SLC44A5: variants seen among roughly 807,000 people sequenced by gnomAD.
SLC44A5 encodes solute carrier family 44 member 5.
A neutral mutation model predicts 101.8 loss-of-function variants in SLC44A5; 57 were observed. That is an observed-to-expected ratio of 0.56 (90% CI 0.45 to 0.70). The LOEUF (loss-of-function observed/expected upper bound fraction) is 0.70, where lower values mean the gene tolerates loss of function less well. Ranked by LOEUF, SLC44A5 falls within the 30% of genes least tolerant of loss-of-function variation. The pLI is 0.00. For synonymous variants in SLC44A5, 281 were observed against 290.9 expected, an observed-to-expected ratio of 0.97 and a Z score of 0.35; for missense variants, 737 against 853.1, an observed-to-expected ratio of 0.86 and a Z score of 1.70.
chr1:75,489,777 C>G (rs1359375471), intron 2 of SLC44A5, among the ~76,000 whole-genome samples: 1 of 152,116 alleles, frequency 6.6e-6, no homozygotes, highest in Admixed American at 6.6e-5. Flanking sequence ...ATATTTACAA[C>G]CAATAACAAC....
chr1:75,371,587 A>G (rs922639923), intron 3 of SLC44A5, among the ~76,000 whole-genome samples: 17 of 152,194 alleles, frequency 1.1e-4, no homozygotes, highest in African/African-American at 4.1e-4. Flanking sequence ...AAAACAGTGG[A>G]GAAATAAAAT....
intron 2 of SLC44A5, among the ~76,000 whole-genome samples, chr1:75,484,973 G>A (rs1668075952): frequency 2.0e-5 from 3 of 152,198 alleles, no homozygotes; most frequent in African/African-American, 7.2e-5. Flanking sequence ...CAAGGCCATG[G>A]GCCTGGCCCA....
At chr1:75,217,807 C>T (rs1042409262) in intron 18 of SLC44A5, 59 bp downstream of exon 18, 87 of 1,097,182 alleles carry the variant, frequency 7.9e-5, no homozygotes, top group Middle Eastern at 4.0e-4. Context: ...CATCAGGTCT[C>T]CCCCAACCCC....
chr1:75,245,440 C>T (rs1649023546), intron 7 of SLC44A5, among the ~76,000 whole-genome samples: 1 of 152,078 alleles, frequency 6.6e-6, no homozygotes, highest in Admixed American at 6.6e-5. Flanking sequence ...GCTGAATAAA[C>T]CATTAACATA....
chr1:75,646,607 A>G, the SLC44A5 span, among the ~76,000 whole-genome samples: 1 of 152,156 alleles, frequency 6.6e-6, no homozygotes, highest in African/African-American at 2.4e-5. Context: ...AGGTAATTAG[A>G]ACAAGGGGGT....
At chr1:75,656,875 A>T in the SLC44A5 span, among the ~76,000 whole-genome samples, 2 of 152,228 alleles carry the variant, frequency 1.3e-5, no homozygotes, top group Non-Finnish European at 2.9e-5. Context: ...ATTACCAGGC[A>T]TGGTGGCTCA....
intron 3 of SLC44A5, among the ~76,000 whole-genome samples, chr1:75,349,598 T>C (rs1167017301): frequency 1.3e-5 from 2 of 152,132 alleles, no homozygotes; most frequent in Admixed American, 1.3e-4. Context: ...CACTAAAATA[T>C]ATTGTGTAAT....
chr1:75,637,508 G>A, the SLC44A5 span, among the ~76,000 whole-genome samples: 4 of 151,952 alleles, frequency 2.6e-5, no homozygotes. Context: ...GTGGAAGTGA[G>A]GAATGGAGAG....
At chr1:75,664,772 T>A in the SLC44A5 span, among the ~76,000 whole-genome samples, 1 of 151,572 alleles carries the variant, frequency 6.6e-6, no homozygotes, top group Non-Finnish European at 1.5e-5. Flanking sequence ...ATACAAAAAA[T>A]TAGCCGGGTG....
At chr1:75,467,527 A>G (rs1265704976) in intron 2 of SLC44A5, among the ~76,000 whole-genome samples, 1 of 152,212 alleles carries the variant, frequency 6.6e-6, no homozygotes, top group African/African-American at 2.4e-5. Context: ...AAATAAATCT[A>G]CACACCTACA....
chr1:75,220,655 CACTA>C (rs1230807410), intron 14 of SLC44A5, among the ~76,000 whole-genome samples: 4 of 151,974 alleles, frequency 2.6e-5, no homozygotes, highest in Non-Finnish European at 4.4e-5. Context: ...GTGAAATGTT[CACTA>C]ACTGACTGCA....
intron 1 of SLC44A5, among the ~76,000 whole-genome samples, chr1:75,590,989 G>A (rs551813586): frequency 2.0e-5 from 3 of 152,246 alleles, no homozygotes; most frequent in Middle Eastern, 3.4e-3. Context: ...GGACTTTGGC[G>A]AGACCCTGCA....
chr1:75,224,758 C>T lies in SLC44A5; in HGVS notation c.986-2298G>A, dbSNP rs983059352. Among the ~76,000 whole-genome samples, 5 of 135,142 alleles carry T rather than the reference C, an allele frequency of 3.7e-5. No homozygotes were observed. The South Asian group carries it at 1.0e-3, about 27-fold the overall frequency. The allele number at this position is 135,142 out of a possible 152,430, so 88.7% of individuals were successfully genotyped here. On this transcript the variant is annotated intron_variant, in intron 13 of 23. Transcript: ENST00000370859. ...GCCTGTGCCTCCATTTTTAACAAAA[C>T]ATATTGGAAGTAAAAAAAAAAAAAA... is the stretch of plus-strand genomic sequence containing the variant.
At chr1:75,588,282 G>A (rs1490644614) in intron 1 of SLC44A5, among the ~76,000 whole-genome samples, 1 of 147,854 alleles carries the variant, frequency 6.8e-6, no homozygotes, top group African/African-American at 2.5e-5. Context: ...AGGGAGGTGG[G>A]GAGGAAGGTG....
intron 3 of SLC44A5, among the ~76,000 whole-genome samples, chr1:75,376,256 G>A (rs1243362307): frequency 4.6e-5 from 7 of 152,250 alleles, no homozygotes; most frequent in African/African-American, 1.7e-4. Context: ...AGCGAGGCTG[G>A]GGGAGGGGCG....
intron 22 of SLC44A5, 63 bp from the exon 23 acceptor site, chr1:75,211,615 A>G: frequency 8.2e-7 from 1 of 1,218,226 alleles, no homozygotes. Context: ...AGAATAATGC[A>G]GCTATAAATG....
chr1:75,296,642 G>A (rs539026155), intron 5 of SLC44A5, among the ~76,000 whole-genome samples: 6 of 151,956 alleles, frequency 3.9e-5, no homozygotes, highest in Non-Finnish European at 7.4e-5. Context: ...TACATAGCGA[G>A]GTGCCCTGCC....
chr1:75,586,904 G>A (rs1271392191), intron 1 of SLC44A5, among the ~76,000 whole-genome samples: 2 of 86,894 alleles, frequency 2.3e-5, no homozygotes, highest in East Asian at 1.2e-3. Flanking sequence ...AGTAAGTTTT[G>A]TGATTTTTTT....
chr1:75,662,935 C>T, the SLC44A5 span, among the ~76,000 whole-genome samples: 3 of 151,978 alleles, frequency 2.0e-5, no homozygotes, highest in Admixed American at 1.3e-4. Flanking sequence ...ATTTAAGATC[C>T]CAAGTTGAAA....
Sources: allele counts gnomAD v4.1 joint callset (sites outside exome capture counted in the v4.1 genomes callset), GRCh38; gene constraint gnomAD v4.1.1; transcripts MANE v1.5; gene names NCBI Gene and HGNC (gene_info 2026-07-23, HGNC 2026-07-21).